Variants in MOB3B observed in about 807,000 individuals in gnomAD.
MOB3B encodes the protein MOB kinase activator 3B, also known as MOB kinase activator-like 2B.
A neutral mutation model predicts 18.7 loss-of-function variants in MOB3B; 7 were observed. The observed-to-expected ratio is 0.37, with a 90% CI of 0.21 to 0.70. MOB3B has a LOEUF of 0.70. Ranked by LOEUF, MOB3B falls within the 30% of genes least tolerant of loss-of-function variation. The pLI is 0.52. For synonymous variants in MOB3B, 111 were observed against 99.9 expected (o/e 1.11, Z -0.66); for missense variants, 253 against 281.3 (o/e 0.90, Z 0.72).
At chr9:27,333,593 C>T (rs1180826466) in intron 3 of MOB3B, among the ~76,000 whole-genome samples, 1 of 152,150 alleles carries the variant, frequency 6.6e-6, no homozygotes, top group East Asian at 1.9e-4. Context: ...TAAAAGGCTT[C>T]CGCTGAGGTG....
intron 2 of MOB3B, among the ~76,000 whole-genome samples, chr9:27,401,161 C>A (rs1038046702): frequency 6.6e-6 from 1 of 152,164 alleles, no homozygotes; most frequent in Non-Finnish European, 1.5e-5. Flanking sequence ...ATGGGCCACG[C>A]GGTCTGCCTT....
chr9:27,516,680 T>C (rs189570247), intron 1 of MOB3B, among the ~76,000 whole-genome samples: 1 of 152,314 alleles, frequency 6.6e-6, no homozygotes, highest in Non-Finnish European at 1.5e-5. Context: ...TCCAGTTTCC[T>C]CTTCTGCTGC....
In MOB3B at chr9:27,417,829, G is replaced by A. The variant is rs184563824; in HGVS notation, c.418+37304C>T. Among the ~76,000 whole-genome samples, 33 of 152,230 alleles carry A rather than the reference G, an allele frequency of 2.2e-4. No individual in the cohort carries two copies. In the East Asian group the frequency reaches 4.1e-3, roughly 19 times the overall value. ...TGTAATCCCAGCACTTTGGGAGGTC[G>A]GGGCCGGTGGATCACAAGGCCAAGA... On this transcript the variant is annotated intron_variant, in intron 2 of 3. Coordinates refer to ENST00000262244, the MANE Select transcript of MOB3B (RefSeq NM_024761.5).
intron 2 of MOB3B, among the ~76,000 whole-genome samples, chr9:27,376,563 C>A (rs1284264823): frequency 6.6e-6 from 1 of 152,140 alleles, no homozygotes; most frequent in Admixed American, 6.6e-5. Context: ...GGTTCTCAAC[C>A]CTGGCTGTGC....
intron 2 of MOB3B, among the ~76,000 whole-genome samples, chr9:27,434,337 T>C (rs1280084269): frequency 1.3e-5 from 2 of 152,192 alleles, no homozygotes; most frequent in African/African-American, 4.8e-5. Flanking sequence ...GTCTCCACTG[T>C]GTTTTCTCTT....
chr9:27,358,236 T>C (rs200070868), intron 3 of MOB3B, among the ~76,000 whole-genome samples: 2 of 152,106 alleles, frequency 1.3e-5, no homozygotes, highest in East Asian at 3.8e-4. Flanking sequence ...CACCTTGTAT[T>C]ATATGGGGTA....
At chr9:27,525,074 A>G in intron 1 of MOB3B, 1 of 898,104 alleles carries the variant, frequency 1.1e-6, no homozygotes, top group Non-Finnish European at 1.6e-6. Flanking sequence ...CCTCAGTTGG[A>G]CTGGTAGCCT....
intron 2 of MOB3B, among the ~76,000 whole-genome samples, chr9:27,437,293 C>G: frequency 6.6e-6 from 1 of 152,102 alleles, no homozygotes; most frequent in East Asian, 1.9e-4. Flanking sequence ...GCATTAAGAC[C>G]TCTTAGAATC....
Position 27,326,485 on chromosome 9 carries a change from G to C in MOB3B, c.*4102C>G, listed in dbSNP as rs1820713569. ...ACTCAAAAAGAATACTTCAGCTCGAGTTGAATGGAATTCAAGATGTTGTGG... is the reference window on the plus strand; with the variant it reads ...ACTCAAAAAGAATACTTCAGCTCGACTTGAATGGAATTCAAGATGTTGTGG... On this transcript the variant is annotated 3_prime_UTR_variant, in exon 4 of 4. Transcript: ENST00000262244. 5.0e-6 allele frequency: 2 copies of C among 398,488 alleles called. No homozygotes were observed. Among genetic ancestry groups the C allele is most frequent in the Non-Finnish European group, 8.8e-6 (2 of 226,062 alleles). 24.7% of individuals were successfully genotyped at this position (398,488 alleles called of 1,614,324 possible).
intron 3 of MOB3B, among the ~76,000 whole-genome samples, chr9:27,343,569 C>T (rs1033997199): frequency 2.0e-5 from 3 of 151,608 alleles, no homozygotes; most frequent in African/African-American, 4.8e-5. Context: ...TTCTCAGACT[C>T]CCAGTGAATG....
chr9:27,492,055 G>A (rs1038022792), intron 1 of MOB3B, among the ~76,000 whole-genome samples: 5 of 152,174 alleles, frequency 3.3e-5, no homozygotes, highest in Admixed American at 6.5e-5. Context: ...AAAGAATTTT[G>A]CAAATGAGAT....
rs1428236711 is a variant in MOB3B at position 27,328,551 on chromosome 9, A to G, written c.*2036T>C. On this transcript the variant is annotated 3_prime_UTR_variant, in exon 4 of 4. Transcript: ENST00000262244. ...GCACAGTTAATAAAAAATAACCTTA[A>G]AAAGAATGAATAACAAAGGTCTCCA... The G allele has an allele frequency of 1.3e-5, 2 of 152,248 alleles. No homozygotes were observed. The highest frequency in any genetic ancestry group is 2.9e-5 in the Non-Finnish European group (2 of 68,042). The allele number at this position is 152,248 out of a possible 1,614,324, so 9.4% of individuals were successfully genotyped here. A position where few individuals can be genotyped will look rare whatever the true frequency, so the allele number is the denominator to read the frequency against.
intron 2 of MOB3B, among the ~76,000 whole-genome samples, chr9:27,368,341 C>T (rs1821366959): frequency 7.4e-6 from 1 of 135,226 alleles, no homozygotes; most frequent in Admixed American, 8.2e-5. Flanking sequence ...CATATATATA[C>T]ACACACATAC....
At chr9:27,414,628 A>T (rs549895870) in intron 2 of MOB3B, among the ~76,000 whole-genome samples, 1 of 152,336 alleles carries the variant, frequency 6.6e-6, no homozygotes, top group East Asian at 1.9e-4. Flanking sequence ...TTTAGTGATA[A>T]AGAACCAGTT....
intron 3 of MOB3B, among the ~76,000 whole-genome samples, chr9:27,353,173 G>T (rs12237173): frequency 1.3e-5 from 2 of 151,970 alleles, no homozygotes; most frequent in South Asian, 2.1e-4. Flanking sequence ...TTCCCTCAAC[G>T]TGTGGTCTGG....
chr9:27,396,760 T>C (rs1821805759), intron 2 of MOB3B: 1 of 152,168 alleles, frequency 6.6e-6, no homozygotes, highest in South Asian at 2.1e-4. Flanking sequence ...TAAAATTCAT[T>C]TACCCTCAAG....
At chr9:27,407,846 C>T (rs921963796) in intron 2 of MOB3B, among the ~76,000 whole-genome samples, 1 of 152,100 alleles carries the variant, frequency 6.6e-6, no homozygotes, top group Admixed American at 6.5e-5. Flanking sequence ...TGCTTCCTCT[C>T]GATTTCTTTC....
At position 27,405,093 on chromosome 9, in the gene MOB3B, C is replaced by CTTTT. The variant is rs74178386; in HGVS notation, c.419-45861_419-45858dup. ...AGAAATATCTATTCAGAACCTTTGT[C>CTTTT]TTTTTTTTTTTTTTTTTTTTTTTTT... On this transcript the variant is annotated intron_variant, in intron 2 of 3. Coordinates refer to ENST00000262244, the MANE Select transcript of MOB3B (RefSeq NM_024761.5). Among the ~76,000 whole-genome samples the CTTTT allele has an allele frequency of 1.2e-3, 56 of 48,420 alleles. 7 individuals carry two copies. Among genetic ancestry groups the CTTTT allele is most frequent in the African/African-American group, 2.5e-3 (28 of 11,334 alleles). The allele number at this position is 48,420 out of a possible 152,430, so 31.8% of individuals were successfully genotyped here.
chr9:27,343,687 C>A (rs1820990137), intron 3 of MOB3B, among the ~76,000 whole-genome samples: 1 of 141,398 alleles, frequency 7.1e-6, no homozygotes, highest in African/African-American at 2.7e-5. Context: ...TATTATGAGG[C>A]TGGAATTTTA....
Sources: allele counts gnomAD v4.1 joint callset (sites outside exome capture counted in the v4.1 genomes callset), GRCh38; gene constraint gnomAD v4.1.1; transcripts MANE v1.5; gene names NCBI Gene and HGNC (gene_info 2026-07-23, HGNC 2026-07-21).